TNIK: variants seen among roughly 807,000 people sequenced by gnomAD.
TNIK encodes the protein TRAF2 and NCK interacting kinase.
TNIK carries 49 observed loss-of-function variants against 191.3 expected under a neutral mutation model. That is an observed-to-expected ratio of 0.26 (90% CI 0.20 to 0.32). TNIK has a LOEUF of 0.32. Ranked by LOEUF, TNIK falls within the 10% of genes least tolerant of loss-of-function variation. TNIK has a pLI of 1.00. For missense variants in TNIK, 1,155 were observed against 1,702.3 expected (o/e 0.68, Z 5.66); for synonymous variants, 594 against 600.9 (o/e 0.99, Z 0.17).
At chr3:171,285,219 G>A (rs1017163553) in intron 2 of TNIK, among the ~76,000 whole-genome samples, 1 of 152,038 alleles carries the variant, frequency 6.6e-6, no homozygotes, top group Non-Finnish European at 1.5e-5. Context: ...TGATAAAACT[G>A]TTTTCTTTAT....
chr3:171,303,455 A>AT, intron 2 of TNIK, among the ~76,000 whole-genome samples: 1 of 152,320 alleles, frequency 6.6e-6, no homozygotes, highest in South Asian at 2.1e-4. Context: ...TGTAGAACTG[A>AT]TTAACATAAG....
At chr3:171,157,312 A>G in intron 12 of TNIK, 148 bp downstream of exon 12, 1 of 1,013,390 alleles carries the variant, frequency 9.9e-7, no homozygotes, top group Non-Finnish European at 1.4e-6. Context: ...TTGTAAGAGC[A>G]TTCAGGACTT....
intron 22 of TNIK, among the ~76,000 whole-genome samples, chr3:171,099,280 C>T (rs1164423092): frequency 6.6e-6 from 1 of 152,142 alleles, no homozygotes; most frequent in Admixed American, 6.6e-5. Context: ...CCAGACTCCC[C>T]TCCACCGTAT....
intron 1 of TNIK, among the ~76,000 whole-genome samples, chr3:171,412,153 C>A (rs1722511272): frequency 6.6e-6 from 1 of 152,108 alleles, no homozygotes; most frequent in Admixed American, 6.6e-5. Context: ...GGCAGTTCGT[C>A]CCTGTTCAAG....
intron 2 of TNIK, among the ~76,000 whole-genome samples, chr3:171,337,611 G>A (rs537840403): frequency 1.2e-4 from 18 of 152,254 alleles, no homozygotes; most frequent in Admixed American, 9.8e-4. Flanking sequence ...TATCCATAAC[G>A]ATAGATGTGT....
At chr3:171,367,462 T>C (rs1462176806) in intron 2 of TNIK, among the ~76,000 whole-genome samples, 1 of 44,582 alleles carries the variant, frequency 2.2e-5, no homozygotes, top group Non-Finnish European at 4.2e-5. Flanking sequence ...CAAGGCCCCA[T>C]AGCATTTTTT....
intron 2 of TNIK, among the ~76,000 whole-genome samples, chr3:171,296,648 A>G (rs1752316207): frequency 6.6e-6 from 1 of 152,196 alleles, no homozygotes; most frequent in African/African-American, 2.4e-5. Flanking sequence ...TTCATTCAAA[A>G]AATAAAAGGG....
In TNIK at chr3:171,369,655, G is replaced by C. The variant is rs1716218969; in HGVS notation, c.88C>G (p.Leu30Val). ...DPAGIFELVELVGNGTYGQVY... is the reference protein window; with the variant it reads ...DPAGIFELVEVVGNGTYGQVY... The stretch of plus-strand genomic sequence containing the variant: ...TGCCCGTATGTTCCATTTCCAACAA[G>C]TTCCACCAATTCAAAGATCCCTGCG... The change falls in exon 2 of 33, where the codon CTT becomes GTT. Residue 30 changes from leucine (L) to valine (V), a missense_variant. Physicochemically the swap from Leu to Val is conservative, Grantham distance 32. This residue lies in a region of TNIK where 225 missense variants were observed against 438.9 expected (regional missense o/e 0.51). Transcript: ENST00000436636. The C allele has an allele frequency of 1.3e-6, 2 of 1,576,514 alleles. No homozygotes were observed. The highest frequency in any genetic ancestry group is 2.3e-5 in the East Asian group (1 of 43,234).
chr3:171,311,257 C>T (rs528190463), intron 2 of TNIK, among the ~76,000 whole-genome samples: 13 of 152,172 alleles, frequency 8.5e-5, no homozygotes, highest in South Asian at 4.2e-4. Context: ...TAACATTATA[C>T]GAATAGTTTT....
chr3:171,173,669 C>T (rs1398869036), intron 9 of TNIK, among the ~76,000 whole-genome samples: 1 of 152,120 alleles, frequency 6.6e-6, no homozygotes, highest in East Asian at 1.9e-4. Context: ...CATAGTGTGA[C>T]AGCCAAATAC....
intron 2 of TNIK, among the ~76,000 whole-genome samples, chr3:171,335,975 G>C (rs976154023): frequency 5.3e-5 from 8 of 152,236 alleles, no homozygotes; most frequent in African/African-American, 1.9e-4. Flanking sequence ...CATACAGTGC[G>C]TAGTGTATCT....
chr3:171,303,315 TCC>T (rs1219068102), intron 2 of TNIK, among the ~76,000 whole-genome samples: 3 of 152,102 alleles, frequency 2.0e-5, no homozygotes, highest in African/African-American at 7.2e-5. Context: ...TTCCCCAAAT[TCC>T]AGACTCTAAA....
intron 3 of TNIK, among the ~76,000 whole-genome samples, chr3:171,226,726 G>A (rs1278934819): frequency 6.6e-6 from 1 of 151,904 alleles, no homozygotes; most frequent in Non-Finnish European, 1.5e-5. Flanking sequence ...CAAAAATACA[G>A]GAACAAAATA....
At chr3:171,323,706 TTC>T (rs1306567106) in intron 2 of TNIK, among the ~76,000 whole-genome samples, 40 of 152,272 alleles carry the variant, frequency 2.6e-4, no homozygotes, top group African/African-American at 7.7e-4. Flanking sequence ...AGATTGAAAA[TTC>T]TTTAAAAATA....
At chr3:171,197,001 C>T (rs376817624) in intron 4 of TNIK, among the ~76,000 whole-genome samples, 12 of 152,290 alleles carry the variant, frequency 7.9e-5, no homozygotes, top group East Asian at 1.9e-4. Context: ...GTGATCCGCC[C>T]GCCTCGGCCT....
intron 7 of TNIK, among the ~76,000 whole-genome samples, chr3:171,183,041 G>A (rs1736860180): frequency 6.6e-6 from 1 of 152,222 alleles, no homozygotes; most frequent in Non-Finnish European, 1.5e-5. Flanking sequence ...GGTACAGATA[G>A]ACCCTTAGGA....
At chr3:171,344,220 CA>C (rs763775887) in intron 2 of TNIK, among the ~76,000 whole-genome samples, 1 of 152,190 alleles carries the variant, frequency 6.6e-6, no homozygotes, top group Non-Finnish European at 1.5e-5. Flanking sequence ...CTGGGAGTTA[CA>C]AACATCTGAC....
At chr3:171,145,148 G>A (rs1393673730) in intron 12 of TNIK, among the ~76,000 whole-genome samples, 2 of 149,522 alleles carry the variant, frequency 1.3e-5, no homozygotes, top group African/African-American at 5.0e-5. Flanking sequence ...GTACAGTGGT[G>A]CAATCTCAGC....
intron 15 of TNIK, among the ~76,000 whole-genome samples, chr3:171,130,906 A>G (rs9858378): frequency 2.6e-5 from 4 of 152,204 alleles, no homozygotes; most frequent in African/African-American, 9.6e-5. Flanking sequence ...AAGGGACAGC[A>G]CATTAAAAAC....
Sources: allele counts gnomAD v4.1 joint callset (sites outside exome capture counted in the v4.1 genomes callset), GRCh38; gene constraint gnomAD v4.1.1; regional missense constraint gnomAD v4.1.1; transcripts MANE v1.5; gene names NCBI Gene and HGNC (gene_info 2026-07-23, HGNC 2026-07-21).